ADGRA3: variants seen among roughly 807,000 people sequenced by gnomAD.
The protein encoded by ADGRA3 is adhesion G protein-coupled receptor A3, also known as G-protein coupled receptor 125.
A neutral mutation model predicts 119.8 loss-of-function variants in ADGRA3; 56 were observed. The observed-to-expected ratio is 0.47, with a 90% CI of 0.38 to 0.58. The LOEUF (loss-of-function observed/expected upper bound fraction) is 0.58, where lower values mean the gene tolerates loss of function less well. Ranked by LOEUF, ADGRA3 falls within the 20% of genes least tolerant of loss-of-function variation. The pLI is 0.00. For missense variants in ADGRA3, 1,516 were observed against 1,649.0 expected (o/e 0.92, Z 1.40); for synonymous variants, 607 against 623.8 (o/e 0.97, Z 0.40).
chr4:22,422,706 A>AT (rs1157111409), intron 11 of ADGRA3, among the ~76,000 whole-genome samples: 1 of 152,150 alleles, frequency 6.6e-6, no homozygotes, highest in African/African-American at 2.4e-5. Flanking sequence ...TATGACCTTT[A>AT]TTGTACCCTT....
chr4:22,499,139 C>G (rs186887082), intron 1 of ADGRA3, among the ~76,000 whole-genome samples: 2 of 152,276 alleles, frequency 1.3e-5, no homozygotes, highest in East Asian at 3.9e-4. Context: ...GTAAACAACC[C>G]TCACCCTTGC....
At chr4:22,452,957 G>A (rs1717102793) in intron 4 of ADGRA3, among the ~76,000 whole-genome samples, 1 of 152,036 alleles carries the variant, frequency 6.6e-6, no homozygotes, top group African/African-American at 2.4e-5. Context: ...CCAGCACTTT[G>A]GGAGTCTGGG....
rs146067367 is a variant in ADGRA3 at position 22,400,558 on chromosome 4, G to A, written c.2481+873C>T. 3.8e-4 allele frequency among the ~76,000 whole-genome samples: 58 copies of A among 152,186 alleles called. No homozygotes were observed. In the East Asian group the frequency reaches 6.6e-3, roughly 17 times the overall value. On this transcript the variant is annotated intron_variant, in intron 16 of 18. Coordinates refer to ENST00000334304, the MANE Select transcript of ADGRA3 (RefSeq NM_145290.4). ...ATTGGAGGAGAAGAAAAAAGGGGTC[G>A]TTGTTCAATGCATACCGAGTTTCAA...
At chr4:22,410,870 T>C (rs1715162468) in intron 14 of ADGRA3, among the ~76,000 whole-genome samples, 1 of 152,266 alleles carries the variant, frequency 6.6e-6, no homozygotes, top group African/African-American at 2.4e-5. Flanking sequence ...GGAAAAAGTC[T>C]TTGAAAATAA....
chr4:22,453,130 G>A (rs1393453250), intron 4 of ADGRA3, among the ~76,000 whole-genome samples: 2 of 150,672 alleles, frequency 1.3e-5, no homozygotes, highest in Non-Finnish European at 2.9e-5. Context: ...GAACCCGGGA[G>A]GTGGAGGTTG....
chr4:22,510,540 C>T (rs1436213980), intron 1 of ADGRA3, among the ~76,000 whole-genome samples: 2 of 152,026 alleles, frequency 1.3e-5, no homozygotes, highest in African/African-American at 4.8e-5. Flanking sequence ...CCTCTGTGCA[C>T]TCTCTCCTAA....
At chr4:22,484,063 C>G (rs868470048) in intron 1 of ADGRA3, among the ~76,000 whole-genome samples, 1 of 152,004 alleles carries the variant, frequency 6.6e-6, no homozygotes, top group African/African-American at 2.4e-5. Flanking sequence ...TATATTATCA[C>G]AACCTAAAGA....
intron 1 of ADGRA3, among the ~76,000 whole-genome samples, chr4:22,503,064 A>C (rs776785715): frequency 3.2e-4 from 49 of 152,218 alleles, no homozygotes; most frequent in Non-Finnish European, 6.6e-4. Context: ...ACAGTATGAC[A>C]GCTGTCACAA....
At chr4:22,442,109 A>G (rs1408349408) in intron 7 of ADGRA3, among the ~76,000 whole-genome samples, 1 of 152,200 alleles carries the variant, frequency 6.6e-6, no homozygotes, top group African/African-American at 2.4e-5. Flanking sequence ...TTACCAAAGT[A>G]AAATATCTGG....
intron 1 of ADGRA3, among the ~76,000 whole-genome samples, chr4:22,487,540 G>C (rs576542489): frequency 6.6e-6 from 1 of 152,076 alleles, no homozygotes; most frequent in Admixed American, 6.6e-5. Flanking sequence ...GACTAGTACC[G>C]GTCCAAGGTC....
chr4:22,494,184 G>A (rs551557812), intron 1 of ADGRA3, among the ~76,000 whole-genome samples: 214 of 149,904 alleles, frequency 1.4e-3, no homozygotes, highest in Non-Finnish European at 2.4e-4. Flanking sequence ...CAGCCTGGGC[G>A]ACAGAGCAAG....
intron 1 of ADGRA3, among the ~76,000 whole-genome samples, chr4:22,487,959 C>T (rs1001335009): frequency 6.6e-6 from 1 of 151,858 alleles, no homozygotes; most frequent in Admixed American, 6.6e-5. Context: ...CTTGGGGTGC[C>T]GGATGTTGGG....
intron 1 of ADGRA3, among the ~76,000 whole-genome samples, chr4:22,490,683 T>C (rs1718592062): frequency 6.6e-6 from 1 of 152,124 alleles, no homozygotes; most frequent in African/African-American, 2.4e-5. Flanking sequence ...AAAAGTAAGA[T>C]GATTGGGGAA....
In ADGRA3 at chr4:22,424,267, G is replaced by C. The variant is rs1267628742; in HGVS notation, c.1529C>G (p.Ala510Gly). The C allele has an allele frequency of 1.9e-6, 3 of 1,613,620 alleles. No homozygotes were observed. Among genetic ancestry groups the C allele is most frequent in the East Asian group, 4.5e-5 (2 of 44,888 alleles). ...AAGACACTGCACAATCCTACTGCAG[G>C]CTTTAGCTTCCCTCTGCGCCAGCCA... ...VLWLAQREAK[A>G]CSRIVQCLQR... Residue 510 changes from alanine (A) to glycine (G), a missense_variant, in exon 11 of 19, where the codon GCC becomes GGC. Ala to Gly is a moderately conservative substitution (Grantham distance 60). Transcript: ENST00000334304.
In ADGRA3 at chr4:22,392,686, C is replaced by A; in HGVS notation, c.2486G>T (p.Gly829Val). ...TRNASICQAV[G>V]IILHYSTLAT... ...AAGGGTGGAATAGTGAAGAATTATCCCAACCTACAAGGAAGATCAAAGAAT... is the reference window on the plus strand; with the variant it reads ...AAGGGTGGAATAGTGAAGAATTATCACAACCTACAAGGAAGATCAAAGAAT... Residue 829 changes from glycine (G) to valine (V), a missense_variant, in exon 17 of 19, where the codon GGG becomes GTG. By Grantham distance (109) the Gly-to-Val change is moderately radical. Around this residue, in one of 2 missense-constraint regions of ADGRA3, gnomAD observed 1,088 missense variants for 1,107.1 expected, o/e 0.98. Coordinates refer to ENST00000334304, the MANE Select transcript of ADGRA3 (RefSeq NM_145290.4). 1 of 1,607,702 alleles carries A rather than the reference C, an allele frequency of 6.2e-7. No homozygotes were observed. The highest frequency in any genetic ancestry group is 8.5e-7 in the Non-Finnish European group (1 of 1,177,168).
chr4:22,434,968 G>A (rs900644766), intron 10 of ADGRA3, among the ~76,000 whole-genome samples: 2 of 152,168 alleles, frequency 1.3e-5, no homozygotes, highest in African/African-American at 2.4e-5. Flanking sequence ...AGATGAGCAC[G>A]AGGATATGTG....
At chr4:22,513,845 CAAAAAAAAAAAAAAA>C (rs59015584) in intron 1 of ADGRA3, among the ~76,000 whole-genome samples, 33 of 31,492 alleles carry the variant, frequency 1.0e-3, no homozygotes, top group African/African-American at 3.3e-3. Flanking sequence ...AGCTTTCAGG[CAAAAAAAAAAAAAAA>C]AAAAAAAAAA....
chr4:22,395,948 G>C (rs1056579173), intron 16 of ADGRA3, among the ~76,000 whole-genome samples: 10 of 152,158 alleles, frequency 6.6e-5, no homozygotes, highest in Admixed American at 1.3e-4. Flanking sequence ...CAGATCTCAA[G>C]GGCACCTAAC....
chr4:22,388,432 T>C lies in ADGRA3; in HGVS notation c.3239A>G (p.Asn1080Ser), dbSNP rs1364816123. The change falls in exon 19 of 19, where the codon AAT (asparagine) becomes AGT (serine). Residue 1080 changes from asparagine to serine, a missense_variant. Physicochemically the swap from Asn to Ser is conservative, Grantham distance 46. This residue lies in a region of ADGRA3 where 1,088 missense variants were observed against 1,107.1 expected (regional missense o/e 0.98). Coordinates refer to ENST00000334304, the MANE Select transcript of ADGRA3 (RefSeq NM_145290.4). ...VQVNVQPPNS[N>S]GTNGEAPKCP... The stretch of plus-strand genomic sequence containing the variant: ...TTTGGGTGCCTCTCCATTCGTCCCA[T>C]TAGAGTTGGGGGGCTGGACGTTGAC... The C allele has an allele frequency of 3.1e-6, 5 of 1,614,002 alleles. No individual in the cohort carries two copies. The African/African-American group carries it at 6.7e-5, about 22-fold the overall frequency.
Sources: allele counts gnomAD v4.1 joint callset (sites outside exome capture counted in the v4.1 genomes callset), GRCh38; gene constraint gnomAD v4.1.1; regional missense constraint gnomAD v4.1.1; transcripts MANE v1.5; gene names NCBI Gene and HGNC (gene_info 2026-07-23, HGNC 2026-07-21).